The following GALNTL6 variants were observed in gnomAD, a reference collection of about 807,000 sequenced individuals.
The protein encoded by GALNTL6 is polypeptide N-acetylgalactosaminyltransferase-like 6.
Under a neutral mutation model 73.7 loss-of-function variants are expected in GALNTL6, and 46 were observed. The observed-to-expected ratio is 0.62, with a 90% CI of 0.49 to 0.80. The LOEUF is 0.80. Ranked by LOEUF, GALNTL6 falls within the 30% of genes least tolerant of loss-of-function variation. GALNTL6 has a pLI of 0.00. For synonymous variants in GALNTL6, 259 were observed against 263.7 expected, an observed-to-expected ratio of 0.98 and a Z score of 0.17; for missense variants, 604 against 755.0, an observed-to-expected ratio of 0.80 and a Z score of 2.34.
intron 5 of GALNTL6, among the ~76,000 whole-genome samples, chr4:172,375,095 T>C (rs912834774): frequency 1.3e-5 from 2 of 152,096 alleles, no homozygotes; most frequent in African/African-American, 4.8e-5. Flanking sequence ...AGAGGAGGAT[T>C]ATCATTAATA....
chr4:172,104,045 G>A (rs943696786), intron 2 of GALNTL6, among the ~76,000 whole-genome samples: 40 of 151,476 alleles, frequency 2.6e-4, no homozygotes, highest in African/African-American at 8.5e-4. Context: ...CTGGGTTCAC[G>A]CCATTCTCCT....
At chr4:172,139,479 A>T (rs1488005376) in intron 2 of GALNTL6, among the ~76,000 whole-genome samples, 1 of 152,238 alleles carries the variant, frequency 6.6e-6, no homozygotes, top group Non-Finnish European at 1.5e-5. Context: ...TATATCTCAC[A>T]GCCAAGAGTG....
At chr4:172,965,730 G>A (rs753832867) in intron 10 of GALNTL6, among the ~76,000 whole-genome samples, 43 of 151,760 alleles carry the variant, frequency 2.8e-4, no homozygotes, top group African/African-American at 5.1e-4. Flanking sequence ...AGGTGCTTCC[G>A]AGTTAACCAA....
chr4:172,133,371 T>C (rs1733552245), intron 2 of GALNTL6, among the ~76,000 whole-genome samples: 1 of 152,186 alleles, frequency 6.6e-6, no homozygotes, highest in African/African-American at 2.4e-5. Context: ...TATGTAGAAA[T>C]TAGATTATTG....
chr4:172,478,651 T>C (rs980101293), intron 5 of GALNTL6, among the ~76,000 whole-genome samples: 1 of 151,708 alleles, frequency 6.6e-6, no homozygotes, highest in Non-Finnish European at 1.5e-5. Flanking sequence ...AAAACAAAAA[T>C]GAATAAATGA....
intron 10 of GALNTL6, among the ~76,000 whole-genome samples, chr4:172,959,930 C>T (rs191627554): frequency 0.023 from 3,473 of 152,266 alleles, 75 homozygotes; most frequent in Non-Finnish European, 0.033. Flanking sequence ...TGGGGTTTGT[C>T]TCACAGTGGA....
chr4:172,107,653 A>C (rs1732714385), intron 2 of GALNTL6, among the ~76,000 whole-genome samples: 1 of 130,030 alleles, frequency 7.7e-6, no homozygotes, highest in Non-Finnish European at 1.6e-5. Context: ...AGGAAGGGGA[A>C]CATCACACAC....
At chr4:171,954,738 T>A (rs770585320) in intron 2 of GALNTL6, among the ~76,000 whole-genome samples, 18 of 152,268 alleles carry the variant, frequency 1.2e-4, no homozygotes, top group African/African-American at 3.6e-4. Flanking sequence ...CCAATGTTGG[T>A]GGAGGGGCAT....
intron 5 of GALNTL6, among the ~76,000 whole-genome samples, chr4:172,682,036 A>G (rs1448168527): frequency 6.6e-6 from 1 of 152,214 alleles, no homozygotes; most frequent in East Asian, 1.9e-4. Flanking sequence ...AAACTCTCAG[A>G]ACAAACAAAA....
Position 172,348,541 on chromosome 4 carries a change from T to C in GALNTL6, c.405T>C (p.Tyr135=), listed in dbSNP as rs1199465646. The change falls in exon 5 of 13, where the codon TAT becomes TAC. Residue 135 remains tyrosine (Y), a synonymous_variant. Coordinates refer to ENST00000506823, the MANE Select transcript of GALNTL6 (RefSeq NM_001034845.3). ...TCTCCAGCTGTAAGCATAAGATGTA[T>C]CTGGAAAGGCTGCCAAACACCAGCA... ...IRHANCKHKM[Y]LERLPNTSII... 1 of 1,612,568 alleles carries C rather than the reference T, an allele frequency of 6.2e-7. No individual in the cohort carries two copies. Among genetic ancestry groups the C allele is most frequent in the East Asian group, 2.2e-5 (1 of 44,842 alleles).
chr4:172,760,592 C>G (rs1738026116), intron 5 of GALNTL6, among the ~76,000 whole-genome samples: 1 of 152,168 alleles, frequency 6.6e-6, no homozygotes, highest in Non-Finnish European at 1.5e-5. Flanking sequence ...TTCTCTACAA[C>G]TGCCCCAGAA....
chr4:172,786,581 C>T (rs1219952374), intron 5 of GALNTL6, among the ~76,000 whole-genome samples: 3 of 152,126 alleles, frequency 2.0e-5, no homozygotes. Context: ...TCTGTCTAGG[C>T]ATGCCCAAGT....
intron 7 of GALNTL6, among the ~76,000 whole-genome samples, chr4:172,871,267 G>A (rs953883339): frequency 6.6e-6 from 1 of 151,942 alleles, no homozygotes; most frequent in African/African-American, 2.4e-5. Flanking sequence ...TTTCCTTCAG[G>A]TTCTTGAACA....
chr4:172,775,960 A>G (rs952266610), intron 5 of GALNTL6, among the ~76,000 whole-genome samples: 1 of 152,118 alleles, frequency 6.6e-6, no homozygotes, highest in African/African-American at 2.4e-5. Flanking sequence ...GAAGAAAATG[A>G]ATTCTGCCAA....
chr4:172,368,621 T>C (rs1417924107), intron 5 of GALNTL6, among the ~76,000 whole-genome samples: 1 of 151,976 alleles, frequency 6.6e-6, no homozygotes, highest in Admixed American at 6.6e-5. Context: ...TTTGGGTTCT[T>C]GGTCTCGCTG....
Position 172,351,159 on chromosome 4 carries a change from C to T in GALNTL6, c.553+2470C>T, listed in dbSNP as rs992895321. Among the ~76,000 whole-genome samples the T allele has an allele frequency of 1.1e-4, 17 of 148,224 alleles. No individual in the cohort carries two copies. In the Admixed American group the frequency reaches 1.2e-3, roughly 10 times the overall value. ...GGAGAAGAGATTCTCTTAATTTAAT[C>T]AAATGTGATCCACAATAATCTGTCT... On this transcript the variant is annotated intron_variant, in intron 5 of 12. Coordinates refer to ENST00000506823, the MANE Select transcript of GALNTL6 (RefSeq NM_001034845.3).
At chr4:172,429,066 G>T (rs996965428) in intron 5 of GALNTL6, among the ~76,000 whole-genome samples, 3 of 151,986 alleles carry the variant, frequency 2.0e-5, no homozygotes, top group African/African-American at 7.2e-5. Flanking sequence ...TCACCTAGTG[G>T]AAGAGGCGAA....
At chr4:172,754,561 A>T (rs1737630731) in intron 5 of GALNTL6, among the ~76,000 whole-genome samples, 3 of 152,122 alleles carry the variant, frequency 2.0e-5, no homozygotes, top group Admixed American at 2.0e-4. Context: ...GACAAGAGAA[A>T]AACTCCATCT....
At chr4:172,168,103 C>T (rs1026191068) in intron 2 of GALNTL6, among the ~76,000 whole-genome samples, 5 of 152,162 alleles carry the variant, frequency 3.3e-5, no homozygotes, top group Non-Finnish European at 7.3e-5. Context: ...CTATTAGCAA[C>T]GGTCTGGAAA....
Sources: gnomAD v4.1 joint callset for allele counts (sites outside exome capture counted in the v4.1 genomes callset) on GRCh38, gnomAD v4.1.1 for gene constraint, MANE v1.5 for transcripts, NCBI Gene and HGNC (gene_info 2026-07-23, HGNC 2026-07-21) for gene names.